Variants in WDR48 observed in about 807,000 individuals in gnomAD.
WDR48 encodes the protein WD repeat domain 48, also known as WD repeat-containing protein 48.
In WDR48, 22 loss-of-function variants were observed where a neutral mutation model predicts 94.0. The observed-to-expected ratio is 0.23, with a 90% CI of 0.17 to 0.33. The LOEUF (loss-of-function observed/expected upper bound fraction) is 0.33, where lower values mean the gene tolerates loss of function less well. Among genes scored for constraint, WDR48 ranks in the 10% least tolerant of loss-of-function variants. WDR48 has a pLI of 1.00. For missense variants in WDR48, 541 were observed against 813.8 expected (o/e 0.66, Z 4.08); for synonymous variants, 278 against 280.5 (o/e 0.99, Z 0.09).
rs1284146437 is a variant in WDR48, at chr3:39,069,650, G to A, written c.578G>A (p.Arg193Gln). ...CTCTATTAAAATTCACAGGTGTTAC[G>A]GGTATGGGATCCAAGAACATGTGCA... ...IVSGSTEKVL[R>Q]VWDPRTCAKL... The change falls in exon 7 of 19, where the codon CGG (arginine) becomes CAG (glutamine). Residue 193 changes from arginine to glutamine, a missense_variant. Transcript: ENST00000302313. 4 of 1,611,716 alleles carry A rather than the reference G, an allele frequency of 2.5e-6. No individual in the cohort carries two copies. The highest frequency in any genetic ancestry group is 1.1e-5 in the South Asian group (1 of 90,848).
intron 11 of WDR48, among the ~76,000 whole-genome samples, chr3:39,082,008 A>G (rs1293989576): frequency 1.3e-5 from 2 of 152,232 alleles, no homozygotes; most frequent in African/African-American, 4.8e-5. Context: ...AGTTGGACAG[A>G]GCTGCATTCT....
chr3:39,059,058 C>T (rs1575390920), intron 1 of WDR48, among the ~76,000 whole-genome samples: 2 of 120,958 alleles, frequency 1.7e-5, no homozygotes, highest in Non-Finnish European at 3.2e-5. Context: ...CTGGGCGATA[C>T]AGTGAGACTC....
intron 7 of WDR48, 107 bp from the exon 8 acceptor site, chr3:39,074,619 A>T: frequency 9.3e-7 from 1 of 1,080,560 alleles, no homozygotes; most frequent in Non-Finnish European, 1.4e-6. Flanking sequence ...AACACAGGTT[A>T]ATAGAGTCGT....
chr3:39,069,626 T>G lies in WDR48; in HGVS notation c.571-17T>G, dbSNP rs1412753557. The G allele has an allele frequency of 1.9e-6, 3 of 1,590,426 alleles. No homozygotes were observed. The highest frequency in any genetic ancestry group is 4.5e-5 in the East Asian group (2 of 44,728). ...CTGATATATTTAGTTTGTGTAATAC[T>G]CTATTAAAATTCACAGGTGTTACGG... On this transcript the variant is annotated splice_polypyrimidine_tract_variant and intron_variant, in intron 6 of 18. Coordinates refer to ENST00000302313, the MANE Select transcript of WDR48 (RefSeq NM_020839.4).
chr3:39,061,558 A>G (rs2033266249), intron 1 of WDR48, among the ~76,000 whole-genome samples: 2 of 152,156 alleles, frequency 1.3e-5, no homozygotes, highest in African/African-American at 2.4e-5. Context: ...TGCAATAAAC[A>G]TACGTGGGCA....
chr3:39,081,366 A>T lies in WDR48; in HGVS notation c.1173+1558A>T, dbSNP rs115430797. 3.4e-3 allele frequency among the ~76,000 whole-genome samples: 520 copies of T among 152,320 alleles called. 6 individuals are homozygous for T. Among genetic ancestry groups the T allele is most frequent in the African/African-American group, 0.011 (476 of 41,566 alleles). ...CATTTTTGCTCCCTGTGGGACATCT[A>T]TGTGGGAAGTCCATTATGAAACAGT... On this transcript the variant is annotated intron_variant, in intron 11 of 18. Coordinates refer to ENST00000302313, the MANE Select transcript of WDR48 (RefSeq NM_020839.4).
At chr3:39,090,813 CTTTAT>C (rs1379355441) in intron 16 of WDR48, 1 of 152,148 alleles carries the variant, frequency 6.6e-6, no homozygotes, top group Non-Finnish European at 1.5e-5. Context: ...CCTTCAGAAA[CTTTAT>C]TTTCTGTCCC....
At chr3:39,063,790 A>AC (rs1575398774) in intron 2 of WDR48, among the ~76,000 whole-genome samples, 1 of 151,844 alleles carries the variant, frequency 6.6e-6, no homozygotes, top group African/African-American at 2.4e-5. Flanking sequence ...AAAAAAAAAA[A>AC]CTTAAAAATT....
intron 2 of WDR48, among the ~76,000 whole-genome samples, chr3:39,065,141 C>T (rs960683844): frequency 2.0e-5 from 3 of 152,146 alleles, no homozygotes; most frequent in Admixed American, 6.6e-5. Flanking sequence ...TAACTAAATA[C>T]TGTTCTTTAA....
chr3:39,084,137 C>G lies in WDR48; in HGVS notation c.1174-18C>G. 1 of 1,586,884 alleles carries G rather than the reference C, an allele frequency of 6.3e-7. No homozygotes were observed. Among genetic ancestry groups the G allele is most frequent in the South Asian group, 1.1e-5 (1 of 88,252 alleles). On this transcript the variant is annotated intron_variant, in intron 11 of 18. Coordinates refer to ENST00000302313, the MANE Select transcript of WDR48 (RefSeq NM_020839.4). ...TCACCACTTAATATTGATCATTATACTTTCTTTTGATGTATAGGCATGTAA... is the reference window on the plus strand; with the variant it reads ...TCACCACTTAATATTGATCATTATAGTTTCTTTTGATGTATAGGCATGTAA...
intron 1 of WDR48, among the ~76,000 whole-genome samples, chr3:39,062,392 A>G (rs974813093): frequency 8.5e-5 from 13 of 152,364 alleles, no homozygotes; most frequent in Admixed American, 8.5e-4. Context: ...AGGAACAGAC[A>G]GAGGTCACCA....
chr3:39,060,317 ATAAAATATGTGGCCTTTTG>A (rs1362854546), intron 1 of WDR48, among the ~76,000 whole-genome samples: 3 of 152,126 alleles, frequency 2.0e-5, no homozygotes, highest in Non-Finnish European at 4.4e-5. Context: ...AAATAGAGTC[ATAAAATATGTGGCCTTTTG>A]TAAAATATGT....
At chr3:39,094,139 T>TG (rs1159107085) in intron 18 of WDR48, 73 bp downstream of exon 18, 22 of 1,530,108 alleles carry the variant, frequency 1.4e-5, no homozygotes, top group East Asian at 6.8e-5. Flanking sequence ...TGCCTTTGGG[T>TG]GGGGGGCTTC....
At position 39,065,717 on chromosome 3, in the gene WDR48, A is replaced by G. The variant is rs1036974407; in HGVS notation, c.190-94A>G. ...TGTTAGTTTTAATGCCTAGAGCAGT[A>G]TGTCACATTAATTGAAGAATTTAAC... On this transcript the variant is annotated intron_variant, in intron 2 of 18. Transcript: ENST00000302313. 4 of 876,568 alleles carry G rather than the reference A, an allele frequency of 4.6e-6. No individual in the cohort carries two copies. In the Admixed American group the frequency reaches 8.3e-5, roughly 18 times the overall value. 54.3% of individuals were successfully genotyped at this position (876,568 alleles called of 1,614,324 possible). A position where few individuals can be genotyped will look rare whatever the true frequency, so the allele number is the denominator to read the frequency against.
At chr3:39,087,558 G>A (rs1379413267) in intron 14 of WDR48, among the ~76,000 whole-genome samples, 4 of 152,110 alleles carry the variant, frequency 2.6e-5, no homozygotes, top group Non-Finnish European at 4.4e-5. Context: ...GGTTGAGGCC[G>A]CAATGATCTG....
intron 5 of WDR48, 131 bp downstream of exon 5, chr3:39,067,006 C>T (rs1575403818): frequency 8.4e-6 from 9 of 1,072,516 alleles, no homozygotes; most frequent in South Asian, 3.2e-5. Flanking sequence ...CTACCTACAG[C>T]GTTCTGGCCC....
chr3:39,081,405 T>A (rs1284797537), intron 11 of WDR48, among the ~76,000 whole-genome samples: 2 of 152,206 alleles, frequency 1.3e-5, no homozygotes, highest in Non-Finnish European at 2.9e-5. Flanking sequence ...TTGGTGAGCA[T>A]TGCTTCAGAA....
At chr3:39,072,744 T>C (rs1052671758) in intron 7 of WDR48, among the ~76,000 whole-genome samples, 1 of 152,208 alleles carries the variant, frequency 6.6e-6, no homozygotes, top group Non-Finnish European at 1.5e-5. Context: ...AGTGGAAATG[T>C]TTTGATGACT....
At chr3:39,068,077 A>G (rs1301884962) in intron 5 of WDR48, among the ~76,000 whole-genome samples, 3 of 152,134 alleles carry the variant, frequency 2.0e-5, no homozygotes, top group Admixed American at 6.6e-5. Flanking sequence ...TTGTTTAGAG[A>G]GGATATCACA....
Sources: allele counts gnomAD v4.1 joint callset (sites outside exome capture counted in the v4.1 genomes callset), GRCh38; gene constraint gnomAD v4.1.1; transcripts MANE v1.5; gene names NCBI Gene and HGNC (gene_info 2026-07-23, HGNC 2026-07-21).